The following GUCY1A2 variants were observed in gnomAD, a reference collection of about 807,000 sequenced individuals.
GUCY1A2 encodes guanylate cyclase 1 soluble subunit alpha 2.
A neutral mutation model predicts 63.5 loss-of-function variants in GUCY1A2; 27 were observed. The ratio of observed to expected loss-of-function variants is 0.43; its 90% CI spans 0.31 to 0.59. The LOEUF is 0.59. Among genes scored for constraint, GUCY1A2 ranks in the 20% least tolerant of loss-of-function variants. GUCY1A2 has a pLI of 0.11. For synonymous variants in GUCY1A2, 364 were observed against 343.5 expected (o/e 1.06, Z -0.66); for missense variants, 768 against 913.3 (o/e 0.84, Z 2.05).
In GUCY1A2 at chr11:106,677,038, C is replaced by T. The variant is rs1012132252; in HGVS notation, c.*10511G>A. On this transcript the variant is annotated 3_prime_UTR_variant, in exon 8 of 8. Transcript: ENST00000526355. ...CTCAACTGATCTGCATCTACGTGCT[C>T]ATCTTCTTTCCCCTTTTCTCACAAA... 3 of 214,010 alleles carry T rather than the reference C, an allele frequency of 1.4e-5. No homozygotes were observed. Among genetic ancestry groups the T allele is most frequent in the East Asian group, 6.9e-5 (1 of 14,584 alleles). The allele number at this position is 214,010 out of a possible 1,614,324, so 13.3% of individuals were successfully genotyped here.
Position 106,845,833 on chromosome 11 carries a change from A to G in GUCY1A2, c.1207-35355T>C, listed in dbSNP as rs78492122. Among the ~76,000 whole-genome samples, 804 of 151,738 alleles carry G rather than the reference A, an allele frequency of 5.3e-3. 17 individuals carry two copies. The highest frequency in any genetic ancestry group is 3.7e-3 in the Non-Finnish European group (250 of 67,706). ...AAAGTTGTTGGAAAACGGTATGCTC[A>G]TATGGTCTAAAGTGTCACCCTACAG... is the stretch of plus-strand genomic sequence containing the variant. On this transcript the variant is annotated intron_variant, in intron 4 of 7. Transcript: ENST00000526355.
chr11:106,688,814 G>C (rs376342962), intron 7 of GUCY1A2, among the ~76,000 whole-genome samples: 20 of 152,260 alleles, frequency 1.3e-4, no homozygotes, highest in South Asian at 6.2e-4. Flanking sequence ...GTTTCAACAA[G>C]TGGATAAGGA....
chr11:106,832,569 C>T (rs542141036), intron 4 of GUCY1A2, among the ~76,000 whole-genome samples: 4 of 152,144 alleles, frequency 2.6e-5, no homozygotes, highest in African/African-American at 7.2e-5. Flanking sequence ...CCTTTGCCTA[C>T]GTCTTTCACT....
At chr11:106,904,583 T>C (rs1481728357) in intron 4 of GUCY1A2, among the ~76,000 whole-genome samples, 1 of 152,094 alleles carries the variant, frequency 6.6e-6, no homozygotes, top group African/African-American at 2.4e-5. Context: ...TTTTTAAAGC[T>C]TTTTTTAATG....
At chr11:106,755,706 G>T (rs1475768221) in intron 6 of GUCY1A2, among the ~76,000 whole-genome samples, 3 of 152,192 alleles carry the variant, frequency 2.0e-5, no homozygotes, top group African/African-American at 7.2e-5. Context: ...ACTGTGGTTT[G>T]AGAGACAGTT....
At chr11:106,985,662 T>C (rs75319988) in intron 2 of GUCY1A2, among the ~76,000 whole-genome samples, 2,460 of 152,300 alleles carry the variant, frequency 0.016, 29 homozygotes, top group Non-Finnish European at 0.027. Context: ...AACTAATTCC[T>C]CTCACTGAAC....
At chr11:106,848,884 A>AT (rs200794139) in intron 4 of GUCY1A2, among the ~76,000 whole-genome samples, 1,945 of 151,672 alleles carry the variant, frequency 0.013, 27 homozygotes, top group South Asian at 0.048. Context: ...TATTTTCAGC[A>AT]TTTGTTTTTA....
intron 3 of GUCY1A2, among the ~76,000 whole-genome samples, chr11:106,951,306 G>A (rs1565341456): frequency 2.0e-5 from 3 of 152,172 alleles, no homozygotes; most frequent in South Asian, 2.1e-4. Flanking sequence ...AGATCCTTGA[G>A]GAATCGCCAC....
intron 4 of GUCY1A2, among the ~76,000 whole-genome samples, chr11:106,861,618 C>T (rs189877697): frequency 8.1e-4 from 123 of 151,998 alleles, no homozygotes; most frequent in African/African-American, 2.7e-3. Context: ...AAATACATCC[C>T]TAATTCTGAA....
rs1282747252 is a variant in GUCY1A2, at chr11:106,676,025, G to A, written c.*11524C>T. ...ACTCATTGAAGCATATCTTTCCACAGAGGAACAAATCATGTTTTTTTCTGT... is the reference window on the plus strand; with the variant it reads ...ACTCATTGAAGCATATCTTTCCACAAAGGAACAAATCATGTTTTTTTCTGT... On this transcript the variant is annotated 3_prime_UTR_variant, in exon 8 of 8. Transcript: ENST00000526355. 1 of 187,566 alleles carries A rather than the reference G, an allele frequency of 5.3e-6. No individual in the cohort carries two copies. The highest frequency in any genetic ancestry group is 1.1e-5 in the Non-Finnish European group (1 of 88,996). 11.6% of individuals were successfully genotyped at this position (187,566 alleles called of 1,614,324 possible).
chr11:106,939,903 T>C lies in GUCY1A2; in HGVS notation c.763A>G (p.Lys255Glu). 1 of 1,614,146 alleles carries C rather than the reference T, an allele frequency of 6.2e-7. No homozygotes were observed. The highest frequency in any genetic ancestry group is 1.1e-5 in the South Asian group (1 of 91,086). ...CGATAGATCTTCTTTCCTGCAGCCT[T>C]AATCATCCCCAGCATTGCAAACCCC... ...IVGFAMLGMIKAAGKKIYRLD... is the reference protein window; with the variant it reads ...IVGFAMLGMIEAAGKKIYRLD... Residue 255 changes from lysine to glutamate, a missense_variant, in exon 4 of 8, where the codon AAG becomes GAG. Coordinates refer to ENST00000526355, the MANE Select transcript of GUCY1A2 (RefSeq NM_000855.3).
At chr11:106,832,782 A>G (rs925676190) in intron 4 of GUCY1A2, among the ~76,000 whole-genome samples, 2 of 152,152 alleles carry the variant, frequency 1.3e-5, no homozygotes, top group Admixed American at 6.5e-5. Context: ...TAATATTTAC[A>G]AATTTTCTAC....
rs1862471519 is a variant in GUCY1A2, at chr11:106,683,747, T to C, written c.*3802A>G. 4.5e-6 allele frequency: 1 copy of C among 221,284 alleles called. No homozygotes were observed. The highest frequency in any genetic ancestry group is 1.8e-4 in the South Asian group (1 of 5,432). 13.7% of individuals were successfully genotyped at this position (221,284 alleles called of 1,614,324 possible). The stretch of plus-strand genomic sequence containing the variant: ...AAACCTGTGTGTAAAAGTTTTACTT[T>C]TTGCCTTAACCATCCACAACACCTG... On this transcript the variant is annotated 3_prime_UTR_variant, in exon 8 of 8. Transcript: ENST00000526355.
chr11:106,806,618 G>A (rs970449805), intron 5 of GUCY1A2, among the ~76,000 whole-genome samples: 1 of 152,128 alleles, frequency 6.6e-6, no homozygotes, highest in Non-Finnish European at 1.5e-5. Flanking sequence ...TACGTATGTT[G>A]TTTATGTTGA....
chr11:106,965,595 C>A (rs954284412), intron 3 of GUCY1A2, among the ~76,000 whole-genome samples: 2 of 152,186 alleles, frequency 1.3e-5, no homozygotes, highest in African/African-American at 4.8e-5. Context: ...TGCATTCTGT[C>A]CACTGAGTAG....
intron 6 of GUCY1A2, among the ~76,000 whole-genome samples, chr11:106,720,508 A>G (rs2135362753): frequency 6.6e-6 from 1 of 152,294 alleles, no homozygotes; most frequent in Middle Eastern, 3.4e-3. Flanking sequence ...ACATTTTGAT[A>G]ATCCTCTTTC....
intron 4 of GUCY1A2, among the ~76,000 whole-genome samples, chr11:106,913,986 C>CAAAAAAAAAAAAAAAAGAA (rs1860331988): frequency 1.4e-5 from 1 of 71,244 alleles, no homozygotes; most frequent in African/African-American, 4.1e-5. Context: ...AATGAAAAAG[C>CAAAAAAAAAAAAAAAAGAA]AAAAAAAAAA....
chr11:106,944,903 AT>A (rs1477240451), intron 3 of GUCY1A2, among the ~76,000 whole-genome samples: 2 of 152,120 alleles, frequency 1.3e-5, no homozygotes, highest in African/African-American at 4.8e-5. Flanking sequence ...CCCTTGTAGT[AT>A]TTTTTCTGTG....
chr11:106,731,749 A>G (rs534491823), intron 6 of GUCY1A2, among the ~76,000 whole-genome samples: 13 of 152,126 alleles, frequency 8.5e-5, no homozygotes, highest in Non-Finnish European at 1.6e-4. Context: ...ACAACATCCA[A>G]TCTGAGACCC....
Sources: gnomAD v4.1 joint callset for allele counts (sites outside exome capture counted in the v4.1 genomes callset) on GRCh38, gnomAD v4.1.1 for gene constraint, MANE v1.5 for transcripts, NCBI Gene and HGNC (gene_info 2026-07-23, HGNC 2026-07-21) for gene names.